SHISAL1: variants seen among roughly 807,000 people sequenced by gnomAD.
SHISAL1 encodes the protein shisa like 1.
A neutral mutation model predicts 22.6 loss-of-function variants in SHISAL1; 9 were observed. The ratio of observed to expected loss-of-function variants is 0.40; its 90% CI spans 0.24 to 0.70. The LOEUF (loss-of-function observed/expected upper bound fraction) is 0.70, where lower values mean the gene tolerates loss of function less well. Among genes scored for constraint, SHISAL1 ranks in the 30% least tolerant of loss-of-function variants. The pLI is 0.39. For missense variants in SHISAL1, 246 were observed against 270.6 expected, an observed-to-expected ratio of 0.91 and a Z score of 0.64; for synonymous variants, 119 against 115.4, an observed-to-expected ratio of 1.03 and a Z score of -0.20.
rs1017917406 is a variant in SHISAL1 at position 44,248,804 on chromosome 22, G to A, written c.*881C>T. The stretch of plus-strand genomic sequence containing the variant: ...TTGTGCAGGGTGTACCCCGGCTGGC[G>A]AGCATGTCACGTCCAGGGAGTTGGA... On this transcript the variant is annotated 3_prime_UTR_variant, in exon 5 of 5. Coordinates refer to ENST00000381176, the MANE Select transcript of SHISAL1 (RefSeq NM_001099294.2). 2.3e-4 allele frequency: 35 copies of A among 152,140 alleles called. No individual in the cohort carries two copies. Among genetic ancestry groups the A allele is most frequent in the African/African-American group, 7.0e-4 (29 of 41,408 alleles). The allele number at this position is 152,140 out of a possible 1,614,324, so 9.4% of individuals were successfully genotyped here. A position where few individuals can be genotyped will look rare whatever the true frequency, so the allele number is the denominator to read the frequency against.
At chr22:44,309,941 AG>A (rs980333744) in intron 1 of SHISAL1, among the ~76,000 whole-genome samples, 3 of 152,236 alleles carry the variant, frequency 2.0e-5, no homozygotes, top group African/African-American at 7.2e-5. Flanking sequence ...TCATGCTTGC[AG>A]GGGGAAGCGG....
chr22:44,282,348 C>A (rs1410580315), intron 4 of SHISAL1, among the ~76,000 whole-genome samples: 1 of 152,248 alleles, frequency 6.6e-6, no homozygotes, highest in Non-Finnish European at 1.5e-5. Context: ...GCACAGCTGC[C>A]CCTTGCCTCC....
At chr22:44,307,672 G>A (rs1445823034) in intron 1 of SHISAL1, among the ~76,000 whole-genome samples, 1 of 152,110 alleles carries the variant, frequency 6.6e-6, no homozygotes, top group Non-Finnish European at 1.5e-5. Flanking sequence ...GCATCTCTGC[G>A]GGCCACCCCT....
At chr22:44,252,209 T>TG (rs1482898184) in intron 4 of SHISAL1, among the ~76,000 whole-genome samples, 1 of 152,150 alleles carries the variant, frequency 6.6e-6, no homozygotes, top group Non-Finnish European at 1.5e-5. Flanking sequence ...CATGTATAGT[T>TG]GGGGGTCTAA....
chr22:44,318,398 A>G, the SHISAL1 span, among the ~76,000 whole-genome samples: 1 of 152,258 alleles, frequency 6.6e-6, no homozygotes, highest in African/African-American at 2.4e-5. Flanking sequence ...TCAGCAGGAA[A>G]GCAATCGGGA....
intron 4 of SHISAL1, among the ~76,000 whole-genome samples, chr22:44,252,939 T>C (rs1399648681): frequency 1.3e-5 from 2 of 151,658 alleles, no homozygotes; most frequent in Middle Eastern, 3.4e-3. Flanking sequence ...GAGGTTGCAG[T>C]GAGCCGAGAT....
At chr22:44,280,255 G>C (rs750846090) in intron 4 of SHISAL1, among the ~76,000 whole-genome samples, 3 of 152,154 alleles carry the variant, frequency 2.0e-5, no homozygotes, top group South Asian at 2.1e-4. Context: ...GCAGTGAGGT[G>C]GGGGGAGGCT....
chr22:44,282,427 C>T (rs867336506), intron 4 of SHISAL1, among the ~76,000 whole-genome samples: 15 of 152,306 alleles, frequency 9.8e-5, no homozygotes, highest in East Asian at 9.7e-4. Context: ...GTCCCCCCTG[C>T]GGTGGTCCTT....
intron 4 of SHISAL1, among the ~76,000 whole-genome samples, chr22:44,265,963 G>C (rs1454359887): frequency 6.6e-6 from 1 of 152,234 alleles, no homozygotes; most frequent in Non-Finnish European, 1.5e-5. Flanking sequence ...GGTTCCCCCA[G>C]AGTGAGCTGG....
chr22:44,291,945 G>C (rs1235927017), intron 3 of SHISAL1, among the ~76,000 whole-genome samples: 1 of 152,126 alleles, frequency 6.6e-6, no homozygotes, highest in Non-Finnish European at 1.5e-5. Context: ...CAGGGCCCCT[G>C]CCCCACCCCT....
rs573068516 is a variant in SHISAL1, at chr22:44,246,499, C to T, written c.*3186G>A. The T allele has an allele frequency of 2.6e-5, 4 of 152,180 alleles. No individual in the cohort carries two copies. Among genetic ancestry groups the T allele is most frequent in the East Asian group, 1.9e-4 (1 of 5,200 alleles). 9.4% of individuals were successfully genotyped at this position (152,180 alleles called of 1,614,324 possible). ...CAGTAACTCTAGCTATGCTTGAACTCGTCACTACCCTGCATCCATCTTGTT... is the reference window on the plus strand; with the variant it reads ...CAGTAACTCTAGCTATGCTTGAACTTGTCACTACCCTGCATCCATCTTGTT... On this transcript the variant is annotated 3_prime_UTR_variant, in exon 5 of 5. Coordinates refer to ENST00000381176, the MANE Select transcript of SHISAL1 (RefSeq NM_001099294.2).
At chr22:44,266,207 C>T (rs946877480) in intron 4 of SHISAL1, among the ~76,000 whole-genome samples, 10 of 152,172 alleles carry the variant, frequency 6.6e-5, no homozygotes, top group African/African-American at 4.8e-5. Context: ...CATGTAACAA[C>T]GCTTGGCACA....
chr22:44,318,146 G>A, the SHISAL1 span, among the ~76,000 whole-genome samples: 3 of 152,244 alleles, frequency 2.0e-5, no homozygotes, highest in African/African-American at 4.8e-5. Context: ...CCTCTATCCC[G>A]AGAGTCCTCT....
rs1270873605 is a variant in SHISAL1, at chr22:44,246,408, G to A, written c.*3277C>T. ...TTATTATTACAAATTACATGGTGAT[G>A]GACAGAAGCTCACAGTAAAAAGTAA... On this transcript the variant is annotated 3_prime_UTR_variant, in exon 5 of 5. Coordinates refer to ENST00000381176, the MANE Select transcript of SHISAL1 (RefSeq NM_001099294.2). The A allele has an allele frequency of 1.3e-5, 2 of 152,096 alleles. No individual in the cohort carries two copies. Among genetic ancestry groups the A allele is most frequent in the East Asian group, 1.9e-4 (1 of 5,200 alleles). 9.4% of individuals were successfully genotyped at this position (152,096 alleles called of 1,614,324 possible).
At chr22:44,311,747 C>T (rs2055520328) in intron 1 of SHISAL1, among the ~76,000 whole-genome samples, 2 of 152,230 alleles carry the variant, frequency 1.3e-5, no homozygotes, top group Non-Finnish European at 2.9e-5. Flanking sequence ...CAGGGGGCCA[C>T]ACTGGGTCAC....
rs2054986775 is a variant in SHISAL1 at position 44,245,032 on chromosome 22, G to A, written c.*4653C>T. On this transcript the variant is annotated 3_prime_UTR_variant, in exon 5 of 5. Coordinates refer to ENST00000381176, the MANE Select transcript of SHISAL1 (RefSeq NM_001099294.2). Reference sequence around the variant, plus strand: ...GGGCACAGGGTATGGCCCCAGCCCAGTGAGGTATTCCTGGACTGCAAAGGG... The same window carrying A: ...GGGCACAGGGTATGGCCCCAGCCCAATGAGGTATTCCTGGACTGCAAAGGG... The A allele has an allele frequency of 6.6e-6, 1 of 152,350 alleles. No homozygotes were observed. The highest frequency in any genetic ancestry group is 1.5e-5 in the Non-Finnish European group (1 of 68,130). The allele number at this position is 152,350 out of a possible 1,614,324, so 9.4% of individuals were successfully genotyped here. A position where few individuals can be genotyped will look rare whatever the true frequency, so the allele number is the denominator to read the frequency against.
rs141381118 is a variant in SHISAL1 at position 44,282,411 on chromosome 22, G to A, written c.599+3017C>T. ...TGTCCTGGCAGTGCCTTGGCCTCCT[G>A]TCTCTGTCCCCCCTGCGGTGGTCCT... On this transcript the variant is annotated intron_variant, in intron 4 of 4. Transcript: ENST00000381176. 6.5e-3 allele frequency among the ~76,000 whole-genome samples: 987 copies of A among 152,330 alleles called. 5 individuals are homozygous for A. Among genetic ancestry groups the A allele is most frequent in the Admixed American group, 0.012 (185 of 15,314 alleles).
the SHISAL1 span, among the ~76,000 whole-genome samples, chr22:44,325,588 C>A: frequency 1.3e-5 from 2 of 152,188 alleles, no homozygotes; most frequent in Non-Finnish European, 2.9e-5. Flanking sequence ...CCGCACAGAG[C>A]CCATGAGATC....
At chr22:44,307,827 G>T (rs577099379) in intron 1 of SHISAL1, among the ~76,000 whole-genome samples, 2 of 152,324 alleles carry the variant, frequency 1.3e-5, no homozygotes, top group African/African-American at 4.8e-5. Context: ...GAACAGCAAC[G>T]GATCTGTTTT....
Sources: gnomAD v4.1 joint callset for allele counts (sites outside exome capture counted in the v4.1 genomes callset) on GRCh38, gnomAD v4.1.1 for gene constraint, MANE v1.5 for transcripts, NCBI Gene and HGNC (gene_info 2026-07-23, HGNC 2026-07-21) for gene names.